Variants in TEX11 observed in about 807,000 individuals in gnomAD.
The protein encoded by TEX11 is testis-expressed protein 11.
Under a neutral mutation model 84.4 loss-of-function variants are expected in TEX11, and 7 were observed. That is an observed-to-expected ratio of 0.08 (90% confidence interval 0.05 to 0.16). The LOEUF (loss-of-function observed/expected upper bound fraction) is 0.16. TEX11 is among the 10% of genes least tolerant of loss of function. TEX11 has a pLI of 1.00. For synonymous variants in TEX11, 264 were observed against 222.8 expected (o/e 1.18, Z -1.64); for missense variants, 551 against 660.5 (o/e 0.83, Z 1.82).
At chrX:70,540,608 A>G (rs749758750) in intron 28 of TEX11, among the ~76,000 whole-genome samples, 1 of 112,035 alleles carries the variant, frequency 8.9e-6, no homozygotes, top group East Asian at 2.8e-4. Context: ...ATTCCCTTCC[A>G]TAAACACTGA....
At chrX:70,554,281 T>A (rs2088257067) in intron 26 of TEX11, among the ~76,000 whole-genome samples, 1 of 112,097 alleles carries the variant, frequency 8.9e-6, no homozygotes, top group Non-Finnish European at 1.9e-5. Flanking sequence ...CTCAGTTATT[T>A]CTAGCTAGCC....
At chrX:70,834,556 G>T (rs2091394643) in intron 7 of TEX11, among the ~76,000 whole-genome samples, 1 of 111,183 alleles carries the variant, frequency 9.0e-6, no homozygotes, top group African/African-American at 3.3e-5. Flanking sequence ...AGCAGTCTGA[G>T]ACCAGCTTGA....
chrX:70,524,481 T>G (rs1487435371), downstream of TEX11, among the ~76,000 whole-genome samples: 2 of 112,898 alleles, frequency 1.8e-5, no homozygotes, highest in Admixed American at 9.4e-5. Flanking sequence ...AGTAACATAC[T>G]TAAAGACAGA....
At chrX:70,717,389 G>A (rs1423598636) in intron 13 of TEX11, among the ~76,000 whole-genome samples, 4 of 108,706 alleles carry the variant, frequency 3.7e-5, no homozygotes, top group African/African-American at 1.3e-4. Flanking sequence ...CGCGATCTTG[G>A]CTCACTGCAA....
At chrX:70,904,312 A>G (rs2091818541) in intron 2 of TEX11, among the ~76,000 whole-genome samples, 1 of 111,699 alleles carries the variant, frequency 9.0e-6, no homozygotes, top group African/African-American at 3.3e-5. Flanking sequence ...AATCTATGAA[A>G]GTACACCAAC....
At chrX:70,883,307 G>A (rs755740401) in intron 2 of TEX11, among the ~76,000 whole-genome samples, 4 of 111,619 alleles carry the variant, frequency 3.6e-5, no homozygotes, top group Non-Finnish European at 7.5e-5. Context: ...TCTACAGCTG[G>A]GCAAAGTGTC....
At chrX:70,604,163 C>A (rs58983955) in intron 24 of TEX11, among the ~76,000 whole-genome samples, 15 of 111,183 alleles carry the variant, frequency 1.3e-4, no homozygotes, top group Non-Finnish European at 2.5e-4. Context: ...TCCCCCACAT[C>A]AATTTGATCT....
At position 70,725,283 on chromosome X, in the gene TEX11, A is replaced by G. The variant is rs1027601995; in HGVS notation, c.904T>C (p.Ser302Pro). Residue 302 changes from serine (S) to proline (P), a missense_variant, in exon 12 of 30, where the codon TCT (serine) becomes CCT (proline). By Grantham distance (74) the Ser-to-Pro change is moderately conservative. Coordinates refer to ENST00000374333, the MANE Select transcript of TEX11 (RefSeq NM_031276.3). The part of the protein sequence containing the change: ...KMKILLKGET[S>P]NEELLEAVME... Reference sequence around the variant, plus strand: ...ATACCTTCAAGGAGTTCTTCATTAGATGTTTCGCCTTTCAAGAGGATTTTC... The same window carrying G: ...ATACCTTCAAGGAGTTCTTCATTAGGTGTTTCGCCTTTCAAGAGGATTTTC... 1 of 1,197,142 alleles carries G rather than the reference A, an allele frequency of 8.4e-7. No homozygotes were observed. The highest frequency in any genetic ancestry group is 2.2e-5 in the Admixed American group (1 of 45,396).
chrX:70,782,084 C>T (rs750811739), intron 9 of TEX11, among the ~76,000 whole-genome samples: 28 of 111,769 alleles, frequency 2.5e-4, no homozygotes, highest in African/African-American at 8.8e-4. Flanking sequence ...TTGGGTTACC[C>T]ACAAAGGGAA....
intron 16 of TEX11, among the ~76,000 whole-genome samples, chrX:70,656,256 C>T (rs2089864673): frequency 1.2e-5 from 1 of 82,716 alleles, no homozygotes; most frequent in Non-Finnish European, 2.8e-5. Flanking sequence ...AGACCCCCGT[C>T]TCAACAAAAA....
intron 11 of TEX11, among the ~76,000 whole-genome samples, chrX:70,735,484 A>G (rs2090688981): frequency 8.9e-6 from 1 of 112,452 alleles, no homozygotes; most frequent in Non-Finnish European, 1.9e-5. Flanking sequence ...TCTATATACT[A>G]GCAATGAACA....
At position 70,905,041 on chromosome X, in the gene TEX11, G is replaced by T. The variant is rs1305101942; in HGVS notation, c.37+2712C>A. On this transcript the variant is annotated intron_variant, in intron 2 of 29. Coordinates refer to ENST00000374333, the MANE Select transcript of TEX11 (RefSeq NM_031276.3). ...ATCAAGGCCGGGTGCAGTGGCTCAA[G>T]GCCAGGAGCAGTGGCTCTCACCTGT... is the stretch of plus-strand genomic sequence containing the variant. Among the ~76,000 whole-genome samples, 4 of 112,268 alleles carry T rather than the reference G, an allele frequency of 3.6e-5. No individual in the cohort carries two copies. The East Asian group carries it at 1.1e-3, about 31-fold the overall frequency.
At chrX:70,816,609 G>T (rs2091287358) in intron 8 of TEX11, among the ~76,000 whole-genome samples, 1 of 110,163 alleles carries the variant, frequency 9.1e-6, no homozygotes, top group South Asian at 4.0e-4. Flanking sequence ...CTACTCAGGA[G>T]GCTGAGGCAG....
intron 15 of TEX11, among the ~76,000 whole-genome samples, chrX:70,670,928 T>C (rs2090016726): frequency 8.9e-6 from 1 of 112,276 alleles, no homozygotes; most frequent in Non-Finnish European, 1.9e-5. Flanking sequence ...TATATTTACC[T>C]AGTTGTAATC....
downstream of TEX11, among the ~76,000 whole-genome samples, chrX:70,525,065 C>T (rs1047355375): frequency 1.8e-5 from 2 of 110,736 alleles, no homozygotes; most frequent in African/African-American, 6.6e-5. Flanking sequence ...CCTGTGGTCC[C>T]CACTACTCGG....
intron 2 of TEX11, among the ~76,000 whole-genome samples, chrX:70,892,246 G>A (rs1010738952): frequency 9.0e-6 from 1 of 111,551 alleles, no homozygotes; most frequent in Non-Finnish European, 1.9e-5. Context: ...AGCTCCTGAA[G>A]GAAGCACTAA....
chrX:70,534,250 A>G (rs1261345795), intron 28 of TEX11, among the ~76,000 whole-genome samples: 1 of 110,607 alleles, frequency 9.0e-6, no homozygotes, highest in Non-Finnish European at 1.9e-5. Context: ...TAGGTTACTG[A>G]TGGTGAAAGA....
chrX:70,575,288 C>A (rs1302196094), intron 25 of TEX11, among the ~76,000 whole-genome samples: 1 of 111,497 alleles, frequency 9.0e-6, no homozygotes, highest in East Asian at 2.8e-4. Context: ...AGAATGGGCA[C>A]ATCACAAATC....
chrX:70,628,285 T>C (rs1166204123), intron 18 of TEX11, among the ~76,000 whole-genome samples: 1 of 109,065 alleles, frequency 9.2e-6, no homozygotes, highest in Non-Finnish European at 1.9e-5. Flanking sequence ...GGTGGAAACA[T>C]AAGCCCTCCA....
Sources: gnomAD v4.1 joint callset for allele counts (sites outside exome capture counted in the v4.1 genomes callset) on GRCh38, gnomAD v4.1.1 for gene constraint, MANE v1.5 for transcripts, NCBI Gene and HGNC (gene_info 2026-07-23, HGNC 2026-07-21) for gene names.